Variants in SPMIP3 observed in about 807,000 individuals in gnomAD.
SPMIP3 encodes the protein protein SPMIP3.
the SPMIP3 span, among the ~76,000 whole-genome samples, chr1:244,384,379 T>C: frequency 6.6e-6 from 1 of 152,188 alleles, no homozygotes; most frequent in African/African-American, 2.4e-5. Context: ...ACTTTTTGTA[T>C]TTTTTGTAGA....
chr1:244,354,263 T>G, the SPMIP3 span, among the ~76,000 whole-genome samples: 1 of 152,188 alleles, frequency 6.6e-6, no homozygotes, highest in African/African-American at 2.4e-5. Flanking sequence ...CTTGCTAGTT[T>G]TCATTTAATT....
the SPMIP3 span, among the ~76,000 whole-genome samples, chr1:244,374,583 T>TCC: frequency 0.047 from 6,650 of 142,922 alleles, 426 homozygotes; most frequent in Admixed American, 0.086. Flanking sequence ...ATTCCCACAT[T>TCC]TCTCTTTTTT....
At chr1:244,364,566 T>C in the SPMIP3 span, 1 of 824,254 alleles carries the variant, frequency 1.2e-6, no homozygotes, top group Non-Finnish European at 2.0e-6. Context: ...GCATAGTCCT[T>C]CTACCATGTC....
the SPMIP3 span, among the ~76,000 whole-genome samples, chr1:244,360,558 ATGC>A: frequency 3.9e-5 from 1 of 25,334 alleles, no homozygotes. Flanking sequence ...ACACACACAC[ATGC>A]ATGCATGGAA....
At chr1:244,378,907 C>G in the SPMIP3 span, among the ~76,000 whole-genome samples, 1 of 141,616 alleles carries the variant, frequency 7.1e-6, no homozygotes, top group Non-Finnish European at 1.5e-5. Context: ...TCTGACCACG[C>G]TTTCTTTTAT....
chr1:244,375,535 CGG>C, the SPMIP3 span: 1 of 1,275,240 alleles, frequency 7.8e-7, no homozygotes, highest in Non-Finnish European at 1.1e-6. Flanking sequence ...AAGGGGTCGG[CGG>C]GGGGAAGATA....
chr1:244,382,340 C>T, the SPMIP3 span, among the ~76,000 whole-genome samples: 1 of 151,910 alleles, frequency 6.6e-6, no homozygotes, highest in Non-Finnish European at 1.5e-5. Flanking sequence ...GCAATTTTAG[C>T]TAAGCCCTGA....
the SPMIP3 span, chr1:244,364,696 C>G: frequency 1.2e-6 from 2 of 1,613,860 alleles, no homozygotes; most frequent in African/African-American, 2.7e-5. Context: ...AGATTCCCAT[C>G]CATCATGACT....
chr1:244,359,362 C>T, the SPMIP3 span, among the ~76,000 whole-genome samples: 1 of 152,080 alleles, frequency 6.6e-6, no homozygotes, highest in Non-Finnish European at 1.5e-5. Flanking sequence ...ACCCATCTGA[C>T]AAGGGATTAA....
chr1:244,382,154 A>G, the SPMIP3 span, among the ~76,000 whole-genome samples: 59 of 152,222 alleles, frequency 3.9e-4, no homozygotes, highest in African/African-American at 1.4e-3. Context: ...ACCAGGGAAG[A>G]CAAGATACCT....
chr1:244,372,253 T>C, the SPMIP3 span, among the ~76,000 whole-genome samples: 1 of 152,212 alleles, frequency 6.6e-6, no homozygotes, highest in Non-Finnish European at 1.5e-5. Context: ...AAGAGCTTTT[T>C]GAGGACAAGC....
the SPMIP3 span, among the ~76,000 whole-genome samples, chr1:244,380,913 T>G: frequency 6.6e-6 from 1 of 150,766 alleles, no homozygotes; most frequent in East Asian, 2.0e-4. Context: ...CAGCAGGGGT[T>G]TGGGATGAGA....
the SPMIP3 span, among the ~76,000 whole-genome samples, chr1:244,377,280 C>T: frequency 2.0e-5 from 3 of 152,068 alleles, no homozygotes; most frequent in African/African-American, 7.2e-5. Flanking sequence ...CGCCACCATG[C>T]CCGACTAATT....
chr1:244,370,946 C>G, the SPMIP3 span, among the ~76,000 whole-genome samples: 2 of 152,128 alleles, frequency 1.3e-5, no homozygotes, highest in African/African-American at 2.4e-5. Flanking sequence ...TAAGTGAGAT[C>G]ATTTCTGTAA....
At chr1:244,371,099 T>A in the SPMIP3 span, among the ~76,000 whole-genome samples, 1 of 152,188 alleles carries the variant, frequency 6.6e-6, no homozygotes, top group Non-Finnish European at 1.5e-5. Flanking sequence ...GAATTTTGAC[T>A]GTGGCTAAGC....
chr1:244,387,255 G>A, the SPMIP3 span, among the ~76,000 whole-genome samples: 14 of 151,426 alleles, frequency 9.2e-5, no homozygotes, highest in East Asian at 1.9e-4. Context: ...CCGAGATGGC[G>A]CCACTGCGCT....
At chr1:244,375,463 C>A in the SPMIP3 span, 1 of 1,612,624 alleles carries the variant, frequency 6.2e-7, no homozygotes, top group Non-Finnish European at 8.5e-7. Context: ...AAAGAGAGCT[C>A]CCAGGTGAGA....
chr1:244,372,168 G>A, the SPMIP3 span, among the ~76,000 whole-genome samples: 1 of 152,040 alleles, frequency 6.6e-6, no homozygotes, highest in African/African-American at 2.4e-5. Flanking sequence ...TTGCTTATCC[G>A]AGTCCTAGAT....
At chr1:244,361,083 C>T in the SPMIP3 span, among the ~76,000 whole-genome samples, 2 of 151,602 alleles carry the variant, frequency 1.3e-5, no homozygotes, top group Non-Finnish European at 2.9e-5. Context: ...TGATGGTTAG[C>T]AGAGGCTGGG....
Sources: gnomAD v4.1 joint callset for allele counts (sites outside exome capture counted in the v4.1 genomes callset) on GRCh38, gnomAD v4.1.1 for gene constraint, MANE v1.5 for transcripts, NCBI Gene and HGNC (gene_info 2026-07-23, HGNC 2026-07-21) for gene names.